The following CNTN4 variants were observed in gnomAD, a reference collection of about 807,000 sequenced individuals.
The protein encoded by CNTN4 is contactin 4, also known as contactin-4.
A neutral mutation model predicts 122.5 loss-of-function variants in CNTN4; 77 were observed. The ratio of observed to expected loss-of-function variants is 0.63; its 90% CI spans 0.52 to 0.76. The LOEUF (loss-of-function observed/expected upper bound fraction) is 0.76, where lower values mean the gene tolerates loss of function less well. Ranked by LOEUF, CNTN4 falls within the 30% of genes least tolerant of loss-of-function variation. CNTN4 has a pLI of 0.00. For synonymous variants in CNTN4, 512 were observed against 447.0 expected, an observed-to-expected ratio of 1.15 and a Z score of -1.83; for missense variants, 1,256 against 1,259.1, an observed-to-expected ratio of 1.00 and a Z score of 0.04.
At chr3:2,419,310 T>G (rs960293486) in intron 3 of CNTN4, among the ~76,000 whole-genome samples, 3 of 152,186 alleles carry the variant, frequency 2.0e-5, no homozygotes, top group Non-Finnish European at 2.9e-5. Flanking sequence ...TCAACTTTAT[T>G]AAGACTTTAT....
chr3:2,721,097 G>T (rs564992519), intron 4 of CNTN4, among the ~76,000 whole-genome samples: 1 of 151,880 alleles, frequency 6.6e-6, no homozygotes, highest in African/African-American at 2.4e-5. Context: ...TCAGCCTCCC[G>T]AGCAGCTGGG....
At chr3:2,540,653 A>ATAAT (rs2077996483) in intron 3 of CNTN4, among the ~76,000 whole-genome samples, 1 of 152,132 alleles carries the variant, frequency 6.6e-6, no homozygotes, top group African/African-American at 2.4e-5. Context: ...TATAGATATT[A>ATAAT]AATAGTCAAT....
chr3:2,859,834 C>T (rs1046111295), intron 7 of CNTN4, among the ~76,000 whole-genome samples: 1 of 152,068 alleles, frequency 6.6e-6, no homozygotes. Context: ...CCGTAACTTC[C>T]ACCCACAATT....
At chr3:2,849,995 CT>C (rs1211955882) in intron 7 of CNTN4, among the ~76,000 whole-genome samples, 1 of 146,176 alleles carries the variant, frequency 6.8e-6, no homozygotes, top group East Asian at 2.0e-4. Flanking sequence ...ACTTTTTTTT[CT>C]TTTTTTTTTC....
chr3:2,461,333 TATTA>T (rs1331305670), intron 3 of CNTN4, among the ~76,000 whole-genome samples: 8 of 143,514 alleles, frequency 5.6e-5, no homozygotes, highest in African/African-American at 8.3e-5. Flanking sequence ...TATCATTAAT[TATTA>T]ATTATTAATT....
At chr3:2,124,471 CA>C (rs1269132387) in intron 2 of CNTN4, among the ~76,000 whole-genome samples, 7 of 146,576 alleles carry the variant, frequency 4.8e-5, no homozygotes, top group African/African-American at 1.8e-4. Context: ...CACACACACA[CA>C]CCCCCTTAAG....
intron 2 of CNTN4, among the ~76,000 whole-genome samples, chr3:2,200,001 G>A (rs1344341757): frequency 6.6e-6 from 1 of 152,146 alleles, no homozygotes; most frequent in Non-Finnish European, 1.5e-5. Context: ...TGAGTGGTTT[G>A]GATTTTATTC....
intron 4 of CNTN4, among the ~76,000 whole-genome samples, chr3:2,657,925 G>A (rs1328168013): frequency 4.0e-5 from 6 of 150,680 alleles, no homozygotes; most frequent in South Asian, 2.1e-4. Flanking sequence ...AAATTATTCC[G>A]GCTTGTTCTG....
At position 2,453,281 on chromosome 3, in the gene CNTN4, A is replaced by T. The variant is rs56078629; in HGVS notation, c.-89+114048A>T. Among the ~76,000 whole-genome samples, 610 of 152,278 alleles carry T rather than the reference A, an allele frequency of 4.0e-3. 6 individuals are homozygous for T. Among genetic ancestry groups the T allele is most frequent in the African/African-American group, 0.013 (558 of 41,576 alleles). ...AATGTTCCCAGTTAATTCATTACCT[A>T]CAGTGAACTTTTCATGTGAATGCCA... On this transcript the variant is annotated intron_variant, in intron 3 of 24. Transcript: ENST00000418658.
At chr3:2,832,686 T>C (rs1291392157) in intron 7 of CNTN4, among the ~76,000 whole-genome samples, 4 of 152,192 alleles carry the variant, frequency 2.6e-5, no homozygotes, top group African/African-American at 9.6e-5. Context: ...AAGTGGTGAC[T>C]GAAGCAATAG....
chr3:2,488,609 T>C (rs548192343), intron 3 of CNTN4, among the ~76,000 whole-genome samples: 3 of 152,334 alleles, frequency 2.0e-5, no homozygotes, highest in African/African-American at 7.2e-5. Context: ...AATGTAAGTA[T>C]AGCTTACATT....
At chr3:2,802,997 A>G (rs993841172) in intron 6 of CNTN4, among the ~76,000 whole-genome samples, 2 of 152,228 alleles carry the variant, frequency 1.3e-5, no homozygotes, top group East Asian at 3.8e-4. Context: ...AAAGAATACC[A>G]GAGAGTGAAA....
At chr3:2,587,705 T>C (rs1559273528) in intron 4 of CNTN4, among the ~76,000 whole-genome samples, 2 of 152,256 alleles carry the variant, frequency 1.3e-5, no homozygotes, top group Non-Finnish European at 1.5e-5. Context: ...TAATTGTTTA[T>C]GGATTTCATA....
chr3:2,495,406 T>C (rs910497158), intron 3 of CNTN4, among the ~76,000 whole-genome samples: 4 of 152,228 alleles, frequency 2.6e-5, no homozygotes, highest in Non-Finnish European at 4.4e-5. Flanking sequence ...TATGACTTAT[T>C]CAATAAATCC....
At chr3:2,941,774 G>C (rs559364842) in intron 13 of CNTN4, among the ~76,000 whole-genome samples, 1 of 152,250 alleles carries the variant, frequency 6.6e-6, no homozygotes, top group Middle Eastern at 3.4e-3. Flanking sequence ...TAAGATAGAA[G>C]CTAAGCTGTT....
At chr3:2,489,140 T>C (rs968527454) in intron 3 of CNTN4, among the ~76,000 whole-genome samples, 4 of 152,198 alleles carry the variant, frequency 2.6e-5, no homozygotes, top group Non-Finnish European at 4.4e-5. Flanking sequence ...TGGTGCACTA[T>C]TGAAATCACT....
At chr3:2,522,898 T>C (rs2077271152) in intron 3 of CNTN4, among the ~76,000 whole-genome samples, 1 of 152,072 alleles carries the variant, frequency 6.6e-6, no homozygotes, top group Non-Finnish European at 1.5e-5. Flanking sequence ...AATCAGAAAA[T>C]AAAAAGTACT....
intron 19 of CNTN4, chr3:3,039,836 C>T (rs945952245): frequency 3.1e-5 from 18 of 575,644 alleles, no homozygotes; most frequent in South Asian, 7.5e-5. Flanking sequence ...ATCCTCATTA[C>T]GTTTTCAACC....
At chr3:2,585,540 G>A (rs997186201) in intron 4 of CNTN4, among the ~76,000 whole-genome samples, 4 of 152,018 alleles carry the variant, frequency 2.6e-5, no homozygotes, top group Non-Finnish European at 5.9e-5. Flanking sequence ...TCCTTTGTAG[G>A]GACATGGATG....
Sources: allele counts gnomAD v4.1 joint callset (sites outside exome capture counted in the v4.1 genomes callset), GRCh38; gene constraint gnomAD v4.1.1; transcripts MANE v1.5; gene names NCBI Gene and HGNC (gene_info 2026-07-23, HGNC 2026-07-21).